BAHD1: variants seen among roughly 807,000 people sequenced by gnomAD.
BAHD1 encodes bromo adjacent homology domain-containing 1 protein.
In BAHD1, 20 loss-of-function variants were observed where a neutral mutation model predicts 63.1. The observed-to-expected ratio is 0.32, with a 90% CI of 0.22 to 0.46. BAHD1 has a LOEUF of 0.46. Among genes scored for constraint, BAHD1 ranks in the 20% least tolerant of loss-of-function variants. BAHD1 has a pLI of 1.00. For synonymous variants in BAHD1, 408 were observed against 426.8 expected, an observed-to-expected ratio of 0.96 and a Z score of 0.54; for missense variants, 939 against 1,071.8, an observed-to-expected ratio of 0.88 and a Z score of 1.73.
Position 40,468,162 on chromosome 15 carries a change from C to G in BAHD1, c.*2032C>G, listed in dbSNP as rs879150298. The G allele has an allele frequency of 6.6e-6, 1 of 152,526 alleles. No individual in the cohort carries two copies. The highest frequency in any genetic ancestry group is 2.1e-4 in the South Asian group (1 of 4,814). The allele number at this position is 152,526 out of a possible 1,614,324, so 9.4% of individuals were successfully genotyped here. A position where few individuals can be genotyped will look rare whatever the true frequency, so the allele number is the denominator to read the frequency against. On this transcript the variant is annotated 3_prime_UTR_variant, in exon 7 of 7. Transcript: ENST00000416165. ...AGGGAGGAAGGACCTTTCCTCACCT[C>G]CCTTTTGACAGAGATTAGAAGTACT... is the stretch of plus-strand genomic sequence containing the variant.
chr15:40,458,207 T>C lies in BAHD1; in HGVS notation c.-14-244T>C, dbSNP rs1317059224. Among the ~76,000 whole-genome samples, 1 of 152,094 alleles carries C rather than the reference T, an allele frequency of 6.6e-6. No homozygotes were observed. Among genetic ancestry groups the C allele is most frequent in the African/African-American group, 2.4e-5 (1 of 41,402 alleles). On this transcript the variant is annotated intron_variant, in intron 1 of 6. Transcript: ENST00000416165. This position sits in a 1 kb window ranked among gnomAD's most constrained non-coding sequence, Gnocchi z 4.7. ...TTGCTCCCTAGGCTCTTCAGGGGCT[T>C]AGTTCAGAGATACCCTAGGCTAAAA... is the stretch of plus-strand genomic sequence containing the variant.
rs1894222555 is a variant in BAHD1 at position 40,466,771 on chromosome 15, A to G, written c.*641A>G. On this transcript the variant is annotated 3_prime_UTR_variant, in exon 7 of 7. Transcript: ENST00000416165. ...ACAAGTTGACCCACCTCTCACAGTC[A>G]TGGGTGTGGCCCACTTGTGGGAGTC... 6.6e-6 allele frequency: 1 copy of G among 152,410 alleles called. No individual in the cohort carries two copies. The highest frequency in any genetic ancestry group is 6.5e-5 in the Admixed American group (1 of 15,280). 9.4% of individuals were successfully genotyped at this position (152,410 alleles called of 1,614,324 possible). A position where few individuals can be genotyped will look rare whatever the true frequency, so the allele number is the denominator to read the frequency against.
chr15:40,465,293 CT>C, intron 5 of BAHD1, 41 bp from the exon 6 acceptor site: 1 of 1,579,160 alleles, frequency 6.3e-7, no homozygotes, highest in South Asian at 1.1e-5. Flanking sequence ...GAATGAGGTG[CT>C]TTCCAGCCCT....
At chr15:40,455,838 G>A (rs1342771722) in intron 1 of BAHD1, among the ~76,000 whole-genome samples, 3 of 152,120 alleles carry the variant, frequency 2.0e-5, no homozygotes, top group Non-Finnish European at 4.4e-5. Context: ...GAGTTGGGGA[G>A]GGCTGGACCT....
chr15:40,458,352 G>A lies in BAHD1; in HGVS notation c.-14-99G>A. On this transcript the variant is annotated intron_variant, in intron 1 of 6. Transcript: ENST00000416165. The surrounding 1 kb of genome is among the most constrained non-coding windows in gnomAD (Gnocchi z 4.7). ...TGGAGACAGGGTAGTTGTAGGCCAG[G>A]ATCACTGCACCTGGGGCTGGGTAGG... The A allele has an allele frequency of 6.8e-7, 1 of 1,464,690 alleles. No homozygotes were observed. Among genetic ancestry groups the A allele is most frequent in the Non-Finnish European group, 9.1e-7 (1 of 1,100,096 alleles). 90.7% of individuals were successfully genotyped at this position (1,464,690 alleles called of 1,614,324 possible). A position where few individuals can be genotyped will look rare whatever the true frequency, so the allele number is the denominator to read the frequency against.
intron 3 of BAHD1, among the ~76,000 whole-genome samples, chr15:40,463,578 C>G (rs1894113648): frequency 1.3e-5 from 2 of 151,822 alleles, no homozygotes; most frequent in African/African-American, 4.8e-5. Context: ...GAGCACTTAC[C>G]CAGCACTGGG....
intron 2 of BAHD1, 43 bp from the exon 3 acceptor site, chr15:40,461,869 G>A (rs757071596): frequency 6.5e-6 from 10 of 1,529,832 alleles, no homozygotes; most frequent in Non-Finnish European, 8.8e-6. Flanking sequence ...GGGTGATGGG[G>A]GTCACTGCTT....
chr15:40,456,318 C>T (rs1893848751), intron 1 of BAHD1, among the ~76,000 whole-genome samples: 1 of 152,126 alleles, frequency 6.6e-6, no homozygotes, highest in Non-Finnish European at 1.5e-5. Context: ...CGGGTGGTCA[C>T]CCTGATTAGA....
rs1003366812 is a variant in BAHD1 at position 40,465,804 on chromosome 15, G to C, written c.2154-137G>C. 3.5e-6 allele frequency: 3 copies of C among 861,400 alleles called. No individual in the cohort carries two copies. In the African/African-American group the frequency reaches 5.1e-5, roughly 15 times the overall value. The allele number at this position is 861,400 out of a possible 1,614,324, so 53.4% of individuals were successfully genotyped here. On this transcript the variant is annotated intron_variant, in intron 6 of 6. Coordinates refer to ENST00000416165, the MANE Select transcript of BAHD1 (RefSeq NM_014952.5). ...TTGGCAGAGCAGACATCATCCCTGG[G>C]ATGGGTGGAGACAGTACCACCCCTT...
chr15:40,444,776 C>T (rs1027914953), intron 1 of BAHD1, among the ~76,000 whole-genome samples: 8 of 152,074 alleles, frequency 5.3e-5, no homozygotes, highest in South Asian at 2.1e-4. Flanking sequence ...ATGGGGGAAA[C>T]GGGAAAGAGG....
intron 1 of BAHD1, among the ~76,000 whole-genome samples, chr15:40,450,222 C>T (rs752155850): frequency 5.3e-5 from 8 of 152,318 alleles, no homozygotes; most frequent in South Asian, 2.1e-4. Context: ...AACTCTGATA[C>T]GATCTGCCTT....
chr15:40,452,273 C>T lies in BAHD1; in HGVS notation c.-14-6178C>T, dbSNP rs534508053. Among the ~76,000 whole-genome samples, 827 of 94,362 alleles carry T rather than the reference C, an allele frequency of 8.8e-3. 8 individuals carry two copies. Among genetic ancestry groups the T allele is most frequent in the African/African-American group, 0.041 (764 of 18,660 alleles). 61.9% of individuals were successfully genotyped at this position (94,362 alleles called of 152,430 possible). On this transcript the variant is annotated intron_variant, in intron 1 of 6. Coordinates refer to ENST00000416165, the MANE Select transcript of BAHD1 (RefSeq NM_014952.5). Reference sequence around the variant, plus strand: ...GGAGGCAGGGCTGGTGGCTGAGGCCCCTGCTCTCTCTCTCTCTTTGAGGAC... The same window carrying T: ...GGAGGCAGGGCTGGTGGCTGAGGCCTCTGCTCTCTCTCTCTCTTTGAGGAC...
rs1197291498 is a variant in BAHD1 at position 40,459,366 on chromosome 15, G to T, written c.902G>T (p.Ser301Ile). 1 of 1,612,962 alleles carries T rather than the reference G, an allele frequency of 6.2e-7. No individual in the cohort carries two copies. Among genetic ancestry groups the T allele is most frequent in the Non-Finnish European group, 8.5e-7 (1 of 1,179,852 alleles). The change falls in exon 2 of 7, where the codon AGC becomes ATC. Residue 301 changes from serine to isoleucine, a missense_variant. Physicochemically the swap from Ser to Ile is moderately radical, Grantham distance 142. Coordinates refer to ENST00000416165, the MANE Select transcript of BAHD1 (RefSeq NM_014952.5). ...GTCCAGCCATCTCATCAGCCCCTGA[G>T]CAAGGCTCTGGAGAGCCCTTTGGGG... ...PSVQPSHQPL[S>I]KALESPLGLR...
rs113712655 is a variant in BAHD1 at position 40,450,516 on chromosome 15, T to C, written c.-14-7935T>C. Among the ~76,000 whole-genome samples, 486 of 152,344 alleles carry C rather than the reference T, an allele frequency of 3.2e-3. 2 individuals are homozygous for C. The highest frequency in any genetic ancestry group is 0.011 in the African/African-American group (462 of 41,570). On this transcript the variant is annotated intron_variant, in intron 1 of 6. Coordinates refer to ENST00000416165, the MANE Select transcript of BAHD1 (RefSeq NM_014952.5). Reference sequence around the variant, plus strand: ...GTGCTTGGAGAAGGCTGGTGAGCTGTTCATGTTTTTTGAAGAATGGTGCAT... The same window carrying C: ...GTGCTTGGAGAAGGCTGGTGAGCTGCTCATGTTTTTTGAAGAATGGTGCAT...
chr15:40,452,497 G>GT (rs1294888537), intron 1 of BAHD1, among the ~76,000 whole-genome samples: 4 of 152,260 alleles, frequency 2.6e-5, no homozygotes, highest in Non-Finnish European at 4.4e-5. Flanking sequence ...ACACAGAGCT[G>GT]TTGTTCAGGG....
At chr15:40,445,776 A>G (rs748415740) in intron 1 of BAHD1, among the ~76,000 whole-genome samples, 1 of 152,162 alleles carries the variant, frequency 6.6e-6, no homozygotes. Context: ...CGACCCAAGT[A>G]TTTATGGGAA....
intron 1 of BAHD1, among the ~76,000 whole-genome samples, chr15:40,452,867 C>T (rs927781865): frequency 6.6e-6 from 1 of 152,184 alleles, no homozygotes; most frequent in Admixed American, 6.5e-5. Flanking sequence ...AACTGAACCC[C>T]CCACAACTCA....
At chr15:40,452,876 C>T (rs1440724151) in intron 1 of BAHD1, among the ~76,000 whole-genome samples, 1 of 152,238 alleles carries the variant, frequency 6.6e-6, no homozygotes, top group Non-Finnish European at 1.5e-5. Context: ...CCCCACAACT[C>T]ACCCCACACT....
rs1893927676 is a variant in BAHD1, at chr15:40,458,775, C to T, written c.311C>T (p.Pro104Leu). 2 of 1,613,266 alleles carry T rather than the reference C, an allele frequency of 1.2e-6. No homozygotes were observed. Among genetic ancestry groups the T allele is most frequent in the African/African-American group, 1.3e-5 (1 of 75,072 alleles). Residue 104 changes from proline to leucine, a missense_variant, in exon 2 of 7, where the codon CCA becomes CTA. Physicochemically the swap from Pro to Leu is moderately conservative, Grantham distance 98. Coordinates refer to ENST00000416165, the MANE Select transcript of BAHD1 (RefSeq NM_014952.5). This position sits in a 1 kb window ranked among gnomAD's most constrained non-coding sequence, Gnocchi z 4.7. ...CTGCCCAAGCCCCCCAGCCCGGCCC[C>T]ATCCAGTGAAGACCCTGGCCTTGCC... The part of the protein sequence containing the change: ...PDLPKPPSPA[P>L]SSEDPGLAQP...
Sources: allele counts gnomAD v4.1 joint callset (sites outside exome capture counted in the v4.1 genomes callset), GRCh38; gene constraint gnomAD v4.1.1; non-coding constraint Gnocchi (gnomAD v3.1); transcripts MANE v1.5; gene names NCBI Gene and HGNC (gene_info 2026-07-23, HGNC 2026-07-21).